Variants in AMMECR1 observed in about 807,000 individuals in gnomAD.
AMMECR1 encodes the protein AMMECR nuclear protein 1, also known as nuclear protein AMMECR1.
In AMMECR1, 3 loss-of-function variants were observed where a neutral mutation model predicts 22.5. The ratio of observed to expected loss-of-function variants is 0.13; its 90% CI spans 0.06 to 0.35. AMMECR1 has a LOEUF of 0.35. AMMECR1 is among the 10% of genes least tolerant of loss of function. The probability of loss-of-function intolerance (pLI) is 1.00; values close to 1 mark genes in which losing one functional copy is unlikely to be tolerated. For missense variants in AMMECR1, 235 were observed against 278.7 expected, an observed-to-expected ratio of 0.84 and a Z score of 1.12; for synonymous variants, 130 against 116.7, an observed-to-expected ratio of 1.11 and a Z score of -0.74.
intron 1 of AMMECR1, among the ~76,000 whole-genome samples, chrX:110,267,387 C>CT (rs1469861460): frequency 3.6e-4 from 38 of 106,518 alleles, no homozygotes; most frequent in African/African-American, 7.9e-4. Context: ...CCTGTCTCTT[C>CT]TTTTTTTTTA....
At chrX:110,307,741 T>A (rs2068003893) in intron 1 of AMMECR1, among the ~76,000 whole-genome samples, 1 of 111,009 alleles carries the variant, frequency 9.0e-6, no homozygotes, top group East Asian at 2.8e-4. Context: ...GGCCTCATTC[T>A]GAAGACACTG....
chrX:110,332,178 C>A (rs2068123416), intron 2 of AMMECR1, among the ~76,000 whole-genome samples: 1 of 111,376 alleles, frequency 9.0e-6, no homozygotes, highest in African/African-American at 3.3e-5. Context: ...AAGGAAAATA[C>A]TCTCCATAAA....
At chrX:110,234,772 G>A (rs1244206775) in intron 2 of AMMECR1, among the ~76,000 whole-genome samples, 1 of 111,750 alleles carries the variant, frequency 8.9e-6, no homozygotes, top group Non-Finnish European at 1.9e-5. Context: ...AAACTGGCTA[G>A]CCATATGTAG....
chrX:110,408,152 T>C (rs1341068527), intron 2 of AMMECR1, among the ~76,000 whole-genome samples: 1 of 112,721 alleles, frequency 8.9e-6, no homozygotes, highest in Non-Finnish European at 1.9e-5. Flanking sequence ...CTGCCCAGCC[T>C]AGCTGAACTG....
At chrX:110,272,228 ATAAT>A (rs2067802945) in intron 1 of AMMECR1, among the ~76,000 whole-genome samples, 1 of 110,661 alleles carries the variant, frequency 9.0e-6, no homozygotes, top group African/African-American at 3.3e-5. Flanking sequence ...AAAAATAATA[ATAAT>A]TAATTATTTT....
At chrX:110,365,265 T>C (rs1482169402) in intron 2 of AMMECR1, among the ~76,000 whole-genome samples, 1 of 111,896 alleles carries the variant, frequency 8.9e-6, no homozygotes, top group Non-Finnish European at 1.9e-5. Flanking sequence ...GTCAGGAGCC[T>C]GCATTTTAAA....
At chrX:110,314,467 C>T (rs982279595) in intron 1 of AMMECR1, among the ~76,000 whole-genome samples, 1 of 111,468 alleles carries the variant, frequency 9.0e-6, no homozygotes, top group Non-Finnish European at 1.9e-5. Context: ...TCCAAGACCC[C>T]ATTCAAGTCC....
chrX:110,434,308 G>A (rs1255493358), intron 1 of AMMECR1, among the ~76,000 whole-genome samples: 1 of 111,525 alleles, frequency 9.0e-6, no homozygotes, highest in African/African-American at 3.3e-5. Flanking sequence ...AGCCACTGGA[G>A]CTTTTTATTA....
chrX:110,396,367 C>T (rs2068528318), intron 2 of AMMECR1, among the ~76,000 whole-genome samples: 1 of 111,870 alleles, frequency 8.9e-6, no homozygotes, highest in Non-Finnish European at 1.9e-5. Flanking sequence ...CCCTCTTATG[C>T]TTTACCCCAC....
At chrX:110,397,971 C>T (rs375115962) in intron 2 of AMMECR1, among the ~76,000 whole-genome samples, 31 of 112,367 alleles carry the variant, frequency 2.8e-4, no homozygotes, top group African/African-American at 9.7e-4. Flanking sequence ...GGGTGGAGCA[C>T]GAACCCGCTT....
chrX:110,249,518 A>G (rs779007421), intron 2 of AMMECR1, among the ~76,000 whole-genome samples: 9 of 111,784 alleles, frequency 8.1e-5, no homozygotes, highest in South Asian at 3.8e-4. Flanking sequence ...TAACTTATAT[A>G]AAATACCTAC....
chrX:110,425,510 C>T, intron 2 of AMMECR1, among the ~76,000 whole-genome samples: 1 of 112,900 alleles, frequency 8.9e-6, no homozygotes, highest in Non-Finnish European at 1.9e-5. Flanking sequence ...TGGCCAAAAG[C>T]CTTATCATTT....
At chrX:110,258,013 T>C (rs940745324) in intron 2 of AMMECR1, among the ~76,000 whole-genome samples, 8 of 111,892 alleles carry the variant, frequency 7.1e-5, no homozygotes, top group Non-Finnish European at 1.1e-4. Context: ...CCAAGAGCCC[T>C]GGTGCTGAAA....
chrX:110,274,568 T>C (rs893955615), intron 1 of AMMECR1, among the ~76,000 whole-genome samples: 4 of 111,894 alleles, frequency 3.6e-5, no homozygotes, highest in Non-Finnish European at 5.6e-5. Flanking sequence ...AGCATTCTTA[T>C]GAATGTTTGT....
chrX:110,395,018 C>T (rs1204755457), intron 2 of AMMECR1, among the ~76,000 whole-genome samples: 2 of 112,714 alleles, frequency 1.8e-5, no homozygotes, highest in East Asian at 5.5e-4. Context: ...GGCCAAAGAA[C>T]CTGCTTAGCT....
intron 2 of AMMECR1, among the ~76,000 whole-genome samples, chrX:110,370,365 T>C (rs2068329708): frequency 9.0e-6 from 1 of 111,074 alleles, no homozygotes; most frequent in Non-Finnish European, 1.9e-5. Context: ...CCTGCCACCA[T>C]GCCCAGCTAA....
intron 2 of AMMECR1, among the ~76,000 whole-genome samples, chrX:110,406,126 T>G (rs1348939926): frequency 3.6e-5 from 4 of 110,437 alleles, no homozygotes; most frequent in Non-Finnish European, 7.6e-5. Context: ...TTTTTTTTTT[T>G]CTTCAAGTTC....
At position 110,236,314 on chromosome X, in the gene AMMECR1, C is replaced by T. The variant is rs752213916; in HGVS notation, c.585-19682G>A. Among the ~76,000 whole-genome samples, 8 of 110,923 alleles carry T rather than the reference C, an allele frequency of 7.2e-5. No individual in the cohort carries two copies. In the South Asian group the frequency reaches 3.0e-3, roughly 42 times the overall value. ...TACTACACTACAATACCATATTATA[C>T]GAGTTACTCAAAGCACCTAATGAGA... On this transcript the variant is annotated intron_variant, in intron 2 of 5. Transcript: ENST00000262844.
chrX:110,272,220 A>T (rs1365461601), intron 1 of AMMECR1, among the ~76,000 whole-genome samples: 3 of 110,746 alleles, frequency 2.7e-5, no homozygotes, highest in Admixed American at 9.6e-5. Context: ...CATCTCAAAA[A>T]AATAATAATA....
Sources: gnomAD v4.1 joint callset for allele counts (sites outside exome capture counted in the v4.1 genomes callset) on GRCh38, gnomAD v4.1.1 for gene constraint, MANE v1.5 for transcripts, NCBI Gene and HGNC (gene_info 2026-07-23, HGNC 2026-07-21) for gene names.